The following HP1BP3 variants were observed in gnomAD, a reference collection of about 807,000 sequenced individuals.
HP1BP3 encodes the protein heterochromatin protein 1 binding protein 3, also known as heterochromatin protein 1-binding protein 3.
In HP1BP3, 12 loss-of-function variants were observed where a neutral mutation model predicts 62.5. The observed-to-expected ratio is 0.19, with a 90% CI of 0.12 to 0.31. HP1BP3 has a LOEUF of 0.31. HP1BP3 is among the 10% of genes least tolerant of loss of function. The pLI, the probability that HP1BP3 is intolerant of heterozygous loss-of-function variation, is 1.00. For synonymous variants in HP1BP3, 260 were observed against 237.8 expected (o/e 1.09, Z -0.86); for missense variants, 502 against 651.8 (o/e 0.77, Z 2.50).
chr1:20,745,809 G>A (rs1300390158), intron 11 of HP1BP3, among the ~76,000 whole-genome samples, 153 bp from the exon 12 acceptor site: 2 of 152,144 alleles, frequency 1.3e-5, no homozygotes, highest in East Asian at 1.9e-4. Context: ...ACAATTTACC[G>A]TATTTTGAAC....
intron 8 of HP1BP3, among the ~76,000 whole-genome samples, chr1:20,762,927 A>C (rs575795169): frequency 3.3e-5 from 5 of 152,284 alleles, no homozygotes; most frequent in African/African-American, 1.2e-4. Context: ...GATAAAAGTG[A>C]AATATGATCC....
rs1218512210 is a variant in HP1BP3, at chr1:20,741,735, G to A, written c.*3062C>T. On this transcript the variant is annotated 3_prime_UTR_variant, in exon 13 of 13. Coordinates refer to ENST00000438032, the MANE Select transcript of HP1BP3 (RefSeq NM_001372052.1). Reference sequence around the variant, plus strand: ...CTCATTTATCAAAGGTAGCTTGTAGGTAGTTTCAGAGTGTATGAAACACTG... The same window carrying A: ...CTCATTTATCAAAGGTAGCTTGTAGATAGTTTCAGAGTGTATGAAACACTG... 6.6e-6 allele frequency among the ~76,000 whole-genome samples: 1 copy of A among 152,192 alleles called. No individual in the cohort carries two copies. Among genetic ancestry groups the A allele is most frequent in the South Asian group, 2.1e-4 (1 of 4,832 alleles).
At chr1:20,778,104 A>C (rs961357496) in intron 3 of HP1BP3, among the ~76,000 whole-genome samples, 1 of 152,200 alleles carries the variant, frequency 6.6e-6, no homozygotes, top group Admixed American at 6.5e-5. Context: ...TCTTATTCTA[A>C]AAAAGATGAA....
chr1:20,761,275 G>A (rs948315068), intron 8 of HP1BP3, among the ~76,000 whole-genome samples: 1 of 152,088 alleles, frequency 6.6e-6, no homozygotes, highest in Non-Finnish European at 1.5e-5. Flanking sequence ...TCGAACTCCT[G>A]ACCTCATGTG....
intron 11 of HP1BP3, 91 bp from the exon 12 acceptor site, chr1:20,745,747 A>AC: frequency 7.7e-7 from 1 of 1,300,644 alleles, no homozygotes. Flanking sequence ...GACATATCCC[A>AC]CTTCTTCCCA....
At chr1:20,772,003 T>A (rs2057082677) in intron 5 of HP1BP3, among the ~76,000 whole-genome samples, 1 of 152,204 alleles carries the variant, frequency 6.6e-6, no homozygotes, top group Admixed American at 6.5e-5. Context: ...CAAGTTGTAT[T>A]AATATGGGTC....
chr1:20,771,409 C>T (rs2057054503), intron 5 of HP1BP3, among the ~76,000 whole-genome samples: 1 of 152,174 alleles, frequency 6.6e-6, no homozygotes, highest in Non-Finnish European at 1.5e-5. Flanking sequence ...CAGAACAAAC[C>T]TATCACTTAC....
Position 20,780,464 on chromosome 1 carries a change from T to G in HP1BP3, c.-24A>C. ...ATTTTAAATAATTTCTAGGCCCGAG[T>G]ACAGGTTACACTCTGAAGCCTCTGC... is the stretch of plus-strand genomic sequence containing the variant. On this transcript the variant is annotated 5_prime_UTR_variant, in exon 2 of 13. Coordinates refer to ENST00000438032, the MANE Select transcript of HP1BP3 (RefSeq NM_001372052.1). 1 of 1,496,708 alleles carries G rather than the reference T, an allele frequency of 6.7e-7. No homozygotes were observed. The highest frequency in any genetic ancestry group is 9.3e-7 in the Non-Finnish European group (1 of 1,072,942). 92.7% of individuals were successfully genotyped at this position (1,496,708 alleles called of 1,614,324 possible). A position where few individuals can be genotyped will look rare whatever the true frequency, so the allele number is the denominator to read the frequency against.
intron 1 of HP1BP3, among the ~76,000 whole-genome samples, chr1:20,786,938 G>A: frequency 6.6e-6 from 1 of 152,112 alleles, no homozygotes. Flanking sequence ...AACAAGGGCG[G>A]GAGCGCGCGC....
At chr1:20,786,766 G>C (rs2057857811) in intron 1 of HP1BP3, 1 of 152,248 alleles carries the variant, frequency 6.6e-6, no homozygotes, top group South Asian at 2.1e-4. Flanking sequence ...TGAGGGAGTG[G>C]GGTGAGGGGA....
At chr1:20,751,016 C>A (rs770822920) in intron 9 of HP1BP3, among the ~76,000 whole-genome samples, 6 of 151,854 alleles carry the variant, frequency 4.0e-5, no homozygotes, top group Admixed American at 6.6e-5. Flanking sequence ...ACGGTTTCAC[C>A]ATGTTGGCCA....
chr1:20,753,086 C>A (rs1025882344), intron 9 of HP1BP3, among the ~76,000 whole-genome samples: 2 of 152,114 alleles, frequency 1.3e-5, no homozygotes, highest in Admixed American at 6.5e-5. Context: ...GGATTGCAGG[C>A]ATGTGCCACC....
At chr1:20,782,068 A>G (rs1203640874) in intron 1 of HP1BP3, among the ~76,000 whole-genome samples, 1 of 152,220 alleles carries the variant, frequency 6.6e-6, no homozygotes, top group Non-Finnish European at 1.5e-5. Flanking sequence ...TTAACCCACG[A>G]TAACACTAGC....
chr1:20,746,412 G>C (rs1260636028), intron 11 of HP1BP3, among the ~76,000 whole-genome samples: 1 of 152,064 alleles, frequency 6.6e-6, no homozygotes, highest in South Asian at 2.1e-4. Context: ...AATGTTTAAT[G>C]TTCGAAAAAT....
chr1:20,748,608 A>T (rs1033758577), intron 10 of HP1BP3, among the ~76,000 whole-genome samples: 2 of 152,074 alleles, frequency 1.3e-5, no homozygotes, highest in African/African-American at 4.8e-5. Flanking sequence ...AAAAACAAAA[A>T]AATTAGCCAG....
At chr1:20,766,740 G>A (rs911234987) in intron 7 of HP1BP3, among the ~76,000 whole-genome samples, 1 of 151,972 alleles carries the variant, frequency 6.6e-6, no homozygotes, top group African/African-American at 2.4e-5. Context: ...AGGAGGTGGA[G>A]GCCAGCCTGG....
chr1:20,765,614 T>C, intron 7 of HP1BP3, 83 bp from the exon 8 acceptor site: 1 of 1,110,014 alleles, frequency 9.0e-7, no homozygotes, highest in Non-Finnish European at 1.3e-6. Flanking sequence ...CTCAGTTGAT[T>C]ACCAAATTTG....
chr1:20,771,091 A>T lies in HP1BP3; in HGVS notation c.511-18T>A, dbSNP rs17408249. The T allele has an allele frequency of 0.036, 56,366 of 1,580,240 alleles. 1,202 individuals are homozygous for T. The highest frequency in any genetic ancestry group is 0.04 in the Non-Finnish European group (46,710 of 1,167,514). On this transcript the variant is annotated intron_variant, in intron 5 of 12. Transcript: ENST00000438032. ...AAGCATGCCTAGAAAAGATTTATTA[A>T]ACTAGTTGTTTTTTTTTATTAGATA... is the stretch of plus-strand genomic sequence containing the variant.
intron 1 of HP1BP3, among the ~76,000 whole-genome samples, chr1:20,784,643 A>T (rs1417812737): frequency 6.6e-6 from 1 of 151,394 alleles, no homozygotes; most frequent in East Asian, 2.0e-4. Context: ...CACCCAGCTA[A>T]TTTTTTGTAT....
Sources: allele counts gnomAD v4.1 joint callset (sites outside exome capture counted in the v4.1 genomes callset), GRCh38; gene constraint gnomAD v4.1.1; transcripts MANE v1.5; gene names NCBI Gene and HGNC (gene_info 2026-07-23, HGNC 2026-07-21).